ALG9: variants seen among roughly 807,000 people sequenced by gnomAD.
ALG9 encodes the protein ALG9 alpha-1,2-mannosyltransferase, also known as alpha-1,2-mannosyltransferase ALG9.
ALG9 carries 55 observed loss-of-function variants against 81.8 expected under a neutral mutation model. The ratio of observed to expected loss-of-function variants is 0.67; its 90% CI spans 0.54 to 0.84. The LOEUF (loss-of-function observed/expected upper bound fraction) is 0.84, where lower values mean the gene tolerates loss of function less well. Among genes scored for constraint, ALG9 ranks in the 40% least tolerant of loss-of-function variants. The pLI is 0.00. For synonymous variants in ALG9, 278 were observed against 274.3 expected, an observed-to-expected ratio of 1.01 and a Z score of -0.13; for missense variants, 629 against 745.0, an observed-to-expected ratio of 0.84 and a Z score of 1.81.
chr11:111,786,223 T>A lies in ALG9; in HGVS notation c.*174A>T. On this transcript the variant is annotated 3_prime_UTR_variant, in exon 15 of 15. Coordinates refer to ENST00000616540, the MANE Select transcript of ALG9 (RefSeq NM_024740.2). ...AACAGAGACACACACAGGGAGCAAA[T>A]GTGACTTTGATTAGACTTTGAAATA... is the stretch of plus-strand genomic sequence containing the variant. 2 of 1,034,680 alleles carry A rather than the reference T, an allele frequency of 1.9e-6. No individual in the cohort carries two copies. Among genetic ancestry groups the A allele is most frequent in the Non-Finnish European group, 3.0e-6 (2 of 676,262 alleles). The allele number at this position is 1,034,680 out of a possible 1,614,324, so 64.1% of individuals were successfully genotyped here.
chr11:111,815,861 T>A (rs987691264), intron 13 of ALG9, among the ~76,000 whole-genome samples: 1 of 152,206 alleles, frequency 6.6e-6, no homozygotes, highest in Non-Finnish European at 1.5e-5. Flanking sequence ...AATGTGAGTA[T>A]TTAGCTGGTA....
intron 13 of ALG9, 140 bp from the exon 14 acceptor site, chr11:111,809,913 T>C (rs1950465546): frequency 6.3e-6 from 6 of 947,200 alleles, no homozygotes; most frequent in Non-Finnish European, 1.0e-5. Context: ...GCCTATGCTC[T>C]CTCCACTCAG....
At chr11:111,859,174 C>G (rs1262682210) in intron 5 of ALG9, among the ~76,000 whole-genome samples, 2 of 152,158 alleles carry the variant, frequency 1.3e-5, no homozygotes, top group African/African-American at 2.4e-5. Flanking sequence ...CCACTGCACT[C>G]TAACCTGCCT....
chr11:111,791,870 T>A (rs1283590184), intron 14 of ALG9, among the ~76,000 whole-genome samples: 1 of 152,228 alleles, frequency 6.6e-6, no homozygotes, highest in East Asian at 1.9e-4. Flanking sequence ...GGCGGGTGAA[T>A]CACTTGAGGT....
intron 13 of ALG9, among the ~76,000 whole-genome samples, chr11:111,813,979 A>T (rs1315046636): frequency 6.6e-6 from 1 of 152,244 alleles, no homozygotes; most frequent in Admixed American, 6.5e-5. Context: ...ACATGAAATT[A>T]TTATTTGATG....
intron 3 of ALG9, 136 bp downstream of exon 3, chr11:111,868,466 G>A (rs1963209388): frequency 9.0e-7 from 1 of 1,109,426 alleles, no homozygotes; most frequent in Non-Finnish European, 1.3e-6. Context: ...CTTGTTGAAT[G>A]GTGAATTGGA....
chr11:111,809,953 A>G (rs879997872), intron 13 of ALG9, among the ~76,000 whole-genome samples, 180 bp from the exon 14 acceptor site: 2 of 152,040 alleles, frequency 1.3e-5, no homozygotes, highest in Non-Finnish European at 2.9e-5. Flanking sequence ...TGTGGGGGAG[A>G]GGCACACTCA....
At chr11:111,793,530 G>C (rs532927860) in intron 14 of ALG9, among the ~76,000 whole-genome samples, 72 of 152,282 alleles carry the variant, frequency 4.7e-4, no homozygotes, top group African/African-American at 1.6e-3. Context: ...GGGAGGCCGA[G>C]GCGGGCGGAT....
chr11:111,812,515 T>C lies in ALG9; in HGVS notation c.1603-2742A>G, dbSNP rs782449704. Among the ~76,000 whole-genome samples the C allele has an allele frequency of 3.9e-5, 6 of 151,932 alleles. No homozygotes were observed. In the East Asian group the frequency reaches 9.6e-4, roughly 24 times the overall value. On this transcript the variant is annotated intron_variant, in intron 13 of 14. Coordinates refer to ENST00000616540, the MANE Select transcript of ALG9 (RefSeq NM_024740.2). ...CCAGGAGGTCAAGACAGCAGTAAGC[T>C]ATGATCATGCCACTGCATTCCAGCC...
intron 13 of ALG9, among the ~76,000 whole-genome samples, chr11:111,819,844 C>T (rs1555101488): frequency 6.6e-6 from 1 of 152,184 alleles, no homozygotes; most frequent in African/African-American, 2.4e-5. Context: ...GTGCCTGGTA[C>T]AGTACCTGGC....
intron 13 of ALG9, among the ~76,000 whole-genome samples, chr11:111,810,334 G>A (rs1330718762): frequency 2.6e-5 from 4 of 152,120 alleles, no homozygotes; most frequent in African/African-American, 9.7e-5. Context: ...TCAGAACTCT[G>A]CTTTTGTTAA....
the ALG9 span, among the ~76,000 whole-genome samples, chr11:111,776,317 T>C: frequency 5.3e-5 from 8 of 151,922 alleles, no homozygotes; most frequent in Non-Finnish European, 7.4e-5. Context: ...AGGCTGGACA[T>C]AGTGGTTCAC....
chr11:111,862,626 C>T (rs1960718397), intron 4 of ALG9, among the ~76,000 whole-genome samples: 1 of 151,346 alleles, frequency 6.6e-6, no homozygotes, highest in South Asian at 2.1e-4. Flanking sequence ...ATCAATCTTC[C>T]AATTTACTAG....
intron 8 of ALG9, chr11:111,849,882 CTG>C (rs1957492356): frequency 1.3e-5 from 2 of 152,288 alleles, no homozygotes; most frequent in South Asian, 2.1e-4. Context: ...AGATAAGAAA[CTG>C]TGTGCTTAAC....
At chr11:111,774,298 C>T in the ALG9 span, among the ~76,000 whole-genome samples, 1 of 152,072 alleles carries the variant, frequency 6.6e-6, no homozygotes, top group African/African-American at 2.4e-5. Flanking sequence ...ATTGCTTGAA[C>T]CCAGGAGGCA....
At chr11:111,820,840 G>T (rs1952214977) in intron 13 of ALG9, among the ~76,000 whole-genome samples, 1 of 127,916 alleles carries the variant, frequency 7.8e-6, no homozygotes, top group Admixed American at 8.4e-5. Context: ...CCTTTGGGAA[G>T]CTAAGGTAGG....
At chr11:111,770,527 G>GA in the ALG9 span, among the ~76,000 whole-genome samples, 23 of 146,354 alleles carry the variant, frequency 1.6e-4, no homozygotes, top group East Asian at 2.2e-3. Flanking sequence ...GTCTCTACCA[G>GA]AAAAAAAAAA....
intron 14 of ALG9, among the ~76,000 whole-genome samples, chr11:111,808,153 C>T (rs1464238746): frequency 6.6e-6 from 1 of 152,154 alleles, no homozygotes; most frequent in African/African-American, 2.4e-5. Flanking sequence ...GTATCAGATA[C>T]TTGAGGGAAT....
chr11:111,809,188 C>T (rs1189998757), intron 14 of ALG9, among the ~76,000 whole-genome samples: 3 of 151,958 alleles, frequency 2.0e-5, no homozygotes, highest in African/African-American at 7.3e-5. Context: ...TCTGGTGCCT[C>T]AAAAAAGAAA....
Sources: gnomAD v4.1 joint callset for allele counts (sites outside exome capture counted in the v4.1 genomes callset) on GRCh38, gnomAD v4.1.1 for gene constraint, MANE v1.5 for transcripts, NCBI Gene and HGNC (gene_info 2026-07-23, HGNC 2026-07-21) for gene names.